DPH6: variants seen among roughly 807,000 people sequenced by gnomAD.
DPH6 encodes diphthamine biosynthesis 6.
Under a neutral mutation model 38.2 loss-of-function variants are expected in DPH6, and 33 were observed. The observed-to-expected ratio is 0.86, with a 90% confidence interval of 0.65 to 1.15. The LOEUF (loss-of-function observed/expected upper bound fraction) is 1.15. Ranked by LOEUF, DPH6 falls within the 50% of genes most tolerant of loss-of-function variation. The pLI is 0.00. For synonymous variants in DPH6, 108 were observed against 103.0 expected, an observed-to-expected ratio of 1.05 and a Z score of -0.30; for missense variants, 325 against 320.0, an observed-to-expected ratio of 1.02 and a Z score of -0.12.
intron 8 of DPH6, 78 bp from the exon 9 acceptor site, chr15:35,372,281 T>C (rs1223363654): frequency 5.2e-6 from 6 of 1,151,582 alleles, no homozygotes; most frequent in South Asian, 4.5e-5. Context: ...ACTTCAAAGA[T>C]GTAATACTGT....
the DPH6 span, among the ~76,000 whole-genome samples, chr15:35,184,245 C>T: frequency 4.6e-5 from 7 of 152,170 alleles, no homozygotes; most frequent in Admixed American, 1.3e-4. Flanking sequence ...TCAGCCAAGT[C>T]TGATAGACAG....
At chr15:35,341,844 C>A (rs1312708200) in intron 3 of DPH6, among the ~76,000 whole-genome samples, 1 of 152,188 alleles carries the variant, frequency 6.6e-6, no homozygotes, top group Admixed American at 6.5e-5. Flanking sequence ...TCAGTAGGAA[C>A]AGGATCAGGG....
Position 35,320,792 on chromosome 15 carries a change from G to A in DPH6, n.200+52729C>T, listed in dbSNP as rs188335409. Among the ~76,000 whole-genome samples the A allele has an allele frequency of 3.9e-5, 6 of 152,192 alleles. No individual in the cohort carries two copies. In the East Asian group the frequency reaches 1.2e-3, roughly 29 times the overall value. On this transcript the variant is annotated intron_variant and non_coding_transcript_variant, in intron 3 of 3. Coordinates refer to the DPH6 transcript ENST00000560386. Reference sequence around the variant, plus strand: ...GCACTCTTCCCTGCTTTCTAAAGTTGCTATAGATTTATTATTATTTTATAT... The same window carrying A: ...GCACTCTTCCCTGCTTTCTAAAGTTACTATAGATTTATTATTATTTTATAT...
At chr15:35,469,072 A>AAACAACAAC (rs10649323) in intron 3 of DPH6, among the ~76,000 whole-genome samples, 7,046 of 149,128 alleles carry the variant, frequency 0.047, 562 homozygotes, top group African/African-American at 0.16. Flanking sequence ...CTCTGCTTCA[A>AAACAACAAC]AACAACAACA....
intron 3 of DPH6, among the ~76,000 whole-genome samples, chr15:35,353,780 T>C (rs142304844): frequency 0.031 from 4,739 of 152,208 alleles, 217 homozygotes; most frequent in African/African-American, 0.11. Flanking sequence ...TTTGGTTCCA[T>C]ATGAACTTTA....
intron 3 of DPH6, among the ~76,000 whole-genome samples, chr15:35,349,739 TG>T (rs1277451644): frequency 6.6e-6 from 1 of 152,216 alleles, no homozygotes; most frequent in African/African-American, 2.4e-5. Context: ...CTGGCCTATG[TG>T]GTTTTTGTCC....
At chr15:35,286,072 T>C (rs1317180924) in intron 3 of DPH6, among the ~76,000 whole-genome samples, 5 of 151,940 alleles carry the variant, frequency 3.3e-5, no homozygotes, top group African/African-American at 1.2e-4. Flanking sequence ...GGAAAACAAA[T>C]ATAGTTTGCT....
At chr15:35,301,732 G>A (rs962941288) in intron 3 of DPH6, among the ~76,000 whole-genome samples, 11 of 152,116 alleles carry the variant, frequency 7.2e-5, no homozygotes, top group African/African-American at 2.7e-4. Flanking sequence ...CAGCACTTTC[G>A]GAGGCCAAGG....
intron 3 of DPH6, among the ~76,000 whole-genome samples, chr15:35,313,442 TTA>T (rs2052161501): frequency 6.6e-6 from 1 of 152,124 alleles, no homozygotes; most frequent in South Asian, 2.1e-4. Flanking sequence ...TACTGTCATT[TTA>T]ACAATATTAA....
the DPH6 span, among the ~76,000 whole-genome samples, chr15:35,149,789 T>C: frequency 6.6e-6 from 1 of 152,242 alleles, no homozygotes; most frequent in Admixed American, 6.5e-5. Context: ...GGGCCAGGCA[T>C]TGTGCTAAAG....
At chr15:35,475,352 T>C (rs2054251633) in intron 3 of DPH6, among the ~76,000 whole-genome samples, 1 of 152,038 alleles carries the variant, frequency 6.6e-6, no homozygotes, top group South Asian at 2.1e-4. Context: ...TTGAAATCTG[T>C]AGACATCAAT....
At chr15:35,164,254 A>G in the DPH6 span, among the ~76,000 whole-genome samples, 1 of 151,908 alleles carries the variant, frequency 6.6e-6, no homozygotes, top group African/African-American at 2.4e-5. Context: ...GCTGCTATAT[A>G]TTTTATCAGG....
At chr15:35,461,335 A>G (rs1398578432) in intron 3 of DPH6, among the ~76,000 whole-genome samples, 1 of 152,188 alleles carries the variant, frequency 6.6e-6, no homozygotes, top group African/African-American at 2.4e-5. Flanking sequence ...GGCCTCCCAA[A>G]GTGCTGGGAT....
intron 3 of DPH6, among the ~76,000 whole-genome samples, chr15:35,350,474 C>T (rs1364876786): frequency 6.6e-6 from 1 of 151,890 alleles, no homozygotes; most frequent in Non-Finnish European, 1.5e-5. Flanking sequence ...CTTCTATTAA[C>T]TTTGAGTTTA....
chr15:35,339,389 A>C (rs1244417412), intron 3 of DPH6, among the ~76,000 whole-genome samples: 1 of 151,772 alleles, frequency 6.6e-6, no homozygotes, highest in African/African-American at 2.4e-5. Flanking sequence ...CAGTGGCGTG[A>C]TCTCGACTCA....
At chr15:35,497,945 T>G (rs894816094) in intron 3 of DPH6, among the ~76,000 whole-genome samples, 3 of 152,208 alleles carry the variant, frequency 2.0e-5, no homozygotes, top group Non-Finnish European at 4.4e-5. Flanking sequence ...TCTGTTAAAA[T>G]AGTCGGTTAT....
chr15:35,396,835 T>A (rs950555997), intron 6 of DPH6, among the ~76,000 whole-genome samples: 2 of 152,206 alleles, frequency 1.3e-5, no homozygotes, highest in Non-Finnish European at 2.9e-5. Context: ...TTTTTTTCCA[T>A]AAAGTCACTC....
chr15:35,385,707 T>C (rs747177158), intron 6 of DPH6, among the ~76,000 whole-genome samples: 11 of 152,100 alleles, frequency 7.2e-5, no homozygotes, highest in Middle Eastern at 3.2e-3. Flanking sequence ...GGCATGTGTA[T>C]ACCTATGTAA....
intron 3 of DPH6, among the ~76,000 whole-genome samples, chr15:35,254,767 A>T (rs910067148): frequency 6.6e-6 from 1 of 152,134 alleles, no homozygotes; most frequent in African/African-American, 2.4e-5. Flanking sequence ...CCGAAAAGAG[A>T]GTCAGCGAAG....
Sources: gnomAD v4.1 joint callset for allele counts (sites outside exome capture counted in the v4.1 genomes callset) on GRCh38, gnomAD v4.1.1 for gene constraint, MANE v1.5 for transcripts, NCBI Gene and HGNC (gene_info 2026-07-23, HGNC 2026-07-21) for gene names.